SPOCK1: variants seen among roughly 807,000 people sequenced by gnomAD.
SPOCK1 encodes testican-1.
A neutral mutation model predicts 55.3 loss-of-function variants in SPOCK1; 23 were observed. The ratio of observed to expected loss-of-function variants is 0.42; its 90% CI spans 0.30 to 0.59. SPOCK1 has a LOEUF of 0.59. Ranked by LOEUF, SPOCK1 falls within the 20% of genes least tolerant of loss-of-function variation. The probability of loss-of-function intolerance (pLI) is 0.22; values close to 1 mark genes in which losing one functional copy is unlikely to be tolerated. For missense variants in SPOCK1, 499 were observed against 552.5 expected (o/e 0.90, Z 0.97); for synonymous variants, 226 against 221.0 (o/e 1.02, Z -0.20).
chr5:137,107,869 A>G (rs1180274242), intron 5 of SPOCK1, among the ~76,000 whole-genome samples: 1 of 152,144 alleles, frequency 6.6e-6, no homozygotes, highest in African/African-American at 2.4e-5. Context: ...TAAACAATTC[A>G]CCTGGAAAAA....
At chr5:137,186,664 G>C (rs576115928) in intron 3 of SPOCK1, among the ~76,000 whole-genome samples, 1 of 152,226 alleles carries the variant, frequency 6.6e-6, no homozygotes, top group African/African-American at 2.4e-5. Context: ...GTGGAGCCAA[G>C]ACTTCCAGTC....
chr5:137,017,457 G>A (rs180802891), intron 6 of SPOCK1, among the ~76,000 whole-genome samples: 1 of 152,194 alleles, frequency 6.6e-6, no homozygotes, highest in Admixed American at 6.5e-5. Flanking sequence ...ACCTAGCTAT[G>A]TATATATGTA....
At chr5:137,433,011 A>G (rs924908788) in intron 2 of SPOCK1, among the ~76,000 whole-genome samples, 1 of 152,198 alleles carries the variant, frequency 6.6e-6, no homozygotes, top group Non-Finnish European at 1.5e-5. Context: ...TAGGAAACCA[A>G]AGGTAAGTCA....
intron 3 of SPOCK1, among the ~76,000 whole-genome samples, chr5:137,183,216 C>G (rs1011902632): frequency 1.3e-5 from 2 of 152,102 alleles, no homozygotes; most frequent in African/African-American, 4.8e-5. Context: ...AGTACTCATC[C>G]CCAGTCACAT....
chr5:137,222,425 T>C (rs1369644772), intron 3 of SPOCK1, among the ~76,000 whole-genome samples: 1 of 152,214 alleles, frequency 6.6e-6, no homozygotes, highest in East Asian at 1.9e-4. Flanking sequence ...GCTTTCTGTG[T>C]ATACATAGAT....
At chr5:137,250,614 CCT>C (rs367543502) in intron 3 of SPOCK1, among the ~76,000 whole-genome samples, 6 of 152,156 alleles carry the variant, frequency 3.9e-5, no homozygotes, top group African/African-American at 1.4e-4. Flanking sequence ...GCTGCTTGCC[CCT>C]GTGTGCAGAG....
intron 6 of SPOCK1, among the ~76,000 whole-genome samples, chr5:137,009,891 G>A (rs971387981): frequency 6.6e-6 from 1 of 151,688 alleles, no homozygotes; most frequent in Admixed American, 6.6e-5. Context: ...CTCCTAATTT[G>A]TAAAAGGAGA....
chr5:137,293,319 G>A (rs1407350339), intron 2 of SPOCK1, among the ~76,000 whole-genome samples: 2 of 152,138 alleles, frequency 1.3e-5, no homozygotes, highest in Non-Finnish European at 2.9e-5. Flanking sequence ...AGTGGACCAT[G>A]ATGAAGGAAA....
chr5:137,112,348 T>G, intron 5 of SPOCK1, 87 bp downstream of exon 5: 1 of 1,534,266 alleles, frequency 6.5e-7, no homozygotes, highest in Non-Finnish European at 8.8e-7. Context: ...CCACCACGCT[T>G]CCCAAGCCCC....
At chr5:137,160,371 T>C (rs1754504785) in intron 3 of SPOCK1, among the ~76,000 whole-genome samples, 1 of 132,992 alleles carries the variant, frequency 7.5e-6, no homozygotes, top group Non-Finnish European at 1.5e-5. Flanking sequence ...TATAAATATA[T>C]AAAATATTTA....
At chr5:137,352,185 C>A (rs775060448) in intron 2 of SPOCK1, among the ~76,000 whole-genome samples, 1 of 152,198 alleles carries the variant, frequency 6.6e-6, no homozygotes, top group African/African-American at 2.4e-5. Flanking sequence ...AGAATAAGAG[C>A]TGATATACTG....
At chr5:137,096,548 G>A (rs1006513218) in intron 5 of SPOCK1, among the ~76,000 whole-genome samples, 4 of 152,234 alleles carry the variant, frequency 2.6e-5, no homozygotes, top group Admixed American at 2.0e-4. Context: ...AGAAATTAAC[G>A]CAGGCATAAC....
intron 3 of SPOCK1, among the ~76,000 whole-genome samples, chr5:137,204,130 A>T (rs917804029): frequency 4.6e-5 from 7 of 152,216 alleles, no homozygotes; most frequent in Admixed American, 6.5e-5. Context: ...TAACGTGGAA[A>T]TAACTACTCC....
intron 2 of SPOCK1, among the ~76,000 whole-genome samples, chr5:137,300,950 T>C (rs1307982643): frequency 6.6e-6 from 1 of 152,090 alleles, no homozygotes; most frequent in Non-Finnish European, 1.5e-5. Flanking sequence ...TGGTGGCCAC[T>C]GGGTTTTTTT....
intron 3 of SPOCK1, among the ~76,000 whole-genome samples, chr5:137,231,151 C>T (rs1412456843): frequency 6.6e-6 from 1 of 151,958 alleles, no homozygotes; most frequent in Non-Finnish European, 1.5e-5. Context: ...TTCAAGTGAT[C>T]CTCCTGCCTC....
At chr5:137,162,588 G>T (rs1047226623) in intron 3 of SPOCK1, among the ~76,000 whole-genome samples, 10 of 152,110 alleles carry the variant, frequency 6.6e-5, no homozygotes, top group African/African-American at 2.4e-4. Flanking sequence ...TGATGCTACT[G>T]GTATCTAGTG....
chr5:137,026,229 A>G (rs1040868836), intron 6 of SPOCK1, among the ~76,000 whole-genome samples: 1 of 152,262 alleles, frequency 6.6e-6, no homozygotes, highest in Non-Finnish European at 1.5e-5. Context: ...AGGTAAAACA[A>G]GAATACCAGA....
intron 2 of SPOCK1, among the ~76,000 whole-genome samples, chr5:137,343,907 A>G (rs991935957): frequency 4.6e-5 from 7 of 152,192 alleles, no homozygotes; most frequent in Non-Finnish European, 1.0e-4. Flanking sequence ...ACCAGGTGCC[A>G]TACAGGAGAC....
chr5:137,475,938 T>C (rs1753829162), intron 2 of SPOCK1, among the ~76,000 whole-genome samples: 1 of 152,172 alleles, frequency 6.6e-6, no homozygotes, highest in Non-Finnish European at 1.5e-5. Flanking sequence ...TTTTAAAGTT[T>C]CTTCATTATA....
Sources: gnomAD v4.1 joint callset for allele counts (sites outside exome capture counted in the v4.1 genomes callset) on GRCh38, gnomAD v4.1.1 for gene constraint, MANE v1.5 for transcripts, NCBI Gene and HGNC (gene_info 2026-07-23, HGNC 2026-07-21) for gene names.